The following CARF variants were observed in gnomAD, a reference collection of about 807,000 sequenced individuals.
CARF encodes the protein calcium-responsive transcription factor.
In CARF, 57 loss-of-function variants were observed where a neutral mutation model predicts 82.0. The ratio of observed to expected loss-of-function variants is 0.70; its 90% confidence interval spans 0.56 to 0.87. The LOEUF (loss-of-function observed/expected upper bound fraction) is 0.87. CARF is among the 40% of genes least tolerant of loss of function. The probability of loss-of-function intolerance (pLI) is 0.00; values close to 1 mark genes in which losing one functional copy is unlikely to be tolerated. For missense variants in CARF, 771 were observed against 855.8 expected (o/e 0.90, Z 1.24); for synonymous variants, 268 against 290.1 (o/e 0.92, Z 0.77).
In CARF at chr2:202,915,580, C is replaced by T. The variant is rs183435779; in HGVS notation, c.-329-2297C>T. On this transcript the variant is annotated intron_variant, in intron 1 of 16. Transcript: ENST00000438828. ...CAACTCCCTGGTTCAAGCAATTCCC[C>T]TGCCTCAGCCTCCCGAGTAGCTGGG... Among the ~76,000 whole-genome samples, 512 of 152,312 alleles carry T rather than the reference C, an allele frequency of 3.4e-3. 1 individual carries two copies. Among genetic ancestry groups the T allele is most frequent in the African/African-American group, 0.012 (494 of 41,566 alleles).
At chr2:202,917,524 GCTT>G in intron 1 of CARF, among the ~76,000 whole-genome samples, 1 of 152,086 alleles carries the variant, frequency 6.6e-6, no homozygotes, top group Non-Finnish European at 1.5e-5. Context: ...TTATTTTCAA[GCTT>G]CTTGTGGCTC....
intron 3 of CARF, chr2:202,925,399 G>A (rs982855749): frequency 2.1e-5 from 6 of 290,068 alleles, no homozygotes; most frequent in Non-Finnish European, 3.4e-5. Flanking sequence ...CCACTCCCTC[G>A]ATTTAAATGG....
chr2:202,972,590 T>C (rs2059836560), intron 12 of CARF, among the ~76,000 whole-genome samples: 1 of 149,590 alleles, frequency 6.7e-6, no homozygotes, highest in African/African-American at 2.5e-5. Flanking sequence ...GGCAAGAGAA[T>C]TGCTTGAACC....
chr2:202,935,101 A>AATATATAATTATATATAATT (rs371181273), intron 3 of CARF, among the ~76,000 whole-genome samples: 37,053 of 136,244 alleles, frequency 0.27, 5,665 homozygotes, highest in East Asian at 0.58. Flanking sequence ...TATTATATAT[A>AATATATAATTATATATAATT]ATATATAATT....
At chr2:202,973,701 T>C in intron 12 of CARF, 1 of 230,908 alleles carries the variant, frequency 4.3e-6, no homozygotes. Context: ...AAAGGAGATA[T>C]TTGATGTGAA....
intron 1 of CARF, among the ~76,000 whole-genome samples, chr2:202,917,670 C>T (rs965278033): frequency 2.6e-5 from 4 of 152,138 alleles, no homozygotes; most frequent in Non-Finnish European, 4.4e-5. Flanking sequence ...AGGAAACAGG[C>T]ACAGAGAGAT....
At chr2:202,923,456 A>C (rs1407421621) in intron 2 of CARF, among the ~76,000 whole-genome samples, 1 of 152,152 alleles carries the variant, frequency 6.6e-6, no homozygotes, top group African/African-American at 2.4e-5. Context: ...AAAACTACAA[A>C]ACACTGCTGA....
At chr2:202,976,239 A>T (rs574461509) in intron 13 of CARF, among the ~76,000 whole-genome samples, 1 of 151,182 alleles carries the variant, frequency 6.6e-6, no homozygotes, top group African/African-American at 2.4e-5. Context: ...CCGTGGCATG[A>T]TCCTGGCTCA....
chr2:202,924,168 A>G (rs1317340865), intron 2 of CARF, 129 bp from the exon 3 acceptor site: 1 of 152,198 alleles, frequency 6.6e-6, no homozygotes, highest in Non-Finnish European at 1.5e-5. Flanking sequence ...TAGAGTTTGA[A>G]TATAAGGTCT....
At chr2:202,946,819 A>G (rs1166743425) in intron 5 of CARF, among the ~76,000 whole-genome samples, 1 of 152,168 alleles carries the variant, frequency 6.6e-6, no homozygotes, top group East Asian at 1.9e-4. Flanking sequence ...AAAGTGGGCA[A>G]AGGATATGAA....
chr2:202,924,966 A>G (rs922275830), intron 3 of CARF: 4 of 335,990 alleles, frequency 1.2e-5, no homozygotes, highest in East Asian at 7.6e-5. Context: ...CTGAGAAGGT[A>G]CCCTTCCTGG....
chr2:202,932,672 G>GCAC (rs1693149997), intron 3 of CARF, among the ~76,000 whole-genome samples: 1 of 152,126 alleles, frequency 6.6e-6, no homozygotes, highest in Non-Finnish European at 1.5e-5. Context: ...AGCAGCAGCA[G>GCAC]CAAGTGCCCC....
At chr2:202,925,882 A>G in intron 3 of CARF, 1 of 173,552 alleles carries the variant, frequency 5.8e-6, no homozygotes, top group Non-Finnish European at 1.2e-5. Flanking sequence ...TCCATACAGA[A>G]ACCACCAGTG....
intron 2 of CARF, among the ~76,000 whole-genome samples, chr2:202,919,303 A>G (rs1383373412): frequency 2.6e-5 from 4 of 152,222 alleles, no homozygotes; most frequent in African/African-American, 4.8e-5. Context: ...ATTAACATCA[A>G]TGAAAATTTT....
chr2:202,930,368 T>TTAA (rs1692662269), intron 3 of CARF, among the ~76,000 whole-genome samples: 1 of 152,176 alleles, frequency 6.6e-6, no homozygotes, highest in Non-Finnish European at 1.5e-5. Context: ...TTTACAGTAT[T>TTAA]TAATGGTATC....
intron 1 of CARF, among the ~76,000 whole-genome samples, chr2:202,916,582 T>G (rs1689707507): frequency 6.6e-6 from 1 of 152,226 alleles, no homozygotes; most frequent in Non-Finnish European, 1.5e-5. Flanking sequence ...ATCTGGAATT[T>G]AAAGAAACAA....
chr2:202,938,631 TGGG>T (rs1408560809), intron 3 of CARF, among the ~76,000 whole-genome samples: 1 of 122,794 alleles, frequency 8.1e-6, no homozygotes, highest in Admixed American at 8.9e-5. Flanking sequence ...TGAAAAAAAA[TGGG>T]GGGTTTTGTG....
intron 10 of CARF, 147 bp from the exon 11 acceptor site, chr2:202,969,772 A>T (rs745791488): frequency 2.1e-6 from 1 of 465,624 alleles, no homozygotes; most frequent in Non-Finnish European, 3.7e-6. Context: ...AGAATATGGC[A>T]TATATTTTAC....
chr2:202,915,546 T>C (rs1689475259), intron 1 of CARF, among the ~76,000 whole-genome samples: 1 of 152,144 alleles, frequency 6.6e-6, no homozygotes, highest in Non-Finnish European at 1.5e-5. Flanking sequence ...CTTGGCTCAC[T>C]GCAACCTCCA....
Sources: allele counts gnomAD v4.1 joint callset (sites outside exome capture counted in the v4.1 genomes callset), GRCh38; gene constraint gnomAD v4.1.1; transcripts MANE v1.5; gene names NCBI Gene and HGNC (gene_info 2026-07-23, HGNC 2026-07-21).